The following NDRG3 variants were observed in gnomAD, a reference collection of about 807,000 sequenced individuals.
The protein encoded by NDRG3 is protein NDRG3.
In NDRG3, 23 loss-of-function variants were observed where a neutral mutation model predicts 57.2. The ratio of observed to expected loss-of-function variants is 0.40; its 90% CI spans 0.29 to 0.57. The LOEUF (loss-of-function observed/expected upper bound fraction) is 0.57. Ranked by LOEUF, NDRG3 falls within the 20% of genes least tolerant of loss-of-function variation. The pLI, the probability that NDRG3 is intolerant of heterozygous loss-of-function variation, is 0.42. For missense variants in NDRG3, 384 were observed against 457.3 expected (o/e 0.84, Z 1.46); for synonymous variants, 132 against 162.6 (o/e 0.81, Z 1.43).
chr20:36,699,630 A>G (rs544980758), intron 3 of NDRG3, among the ~76,000 whole-genome samples: 2 of 152,176 alleles, frequency 1.3e-5, no homozygotes, highest in East Asian at 3.9e-4. Flanking sequence ...GGCTCTACGC[A>G]TAGCAGGACC....
intron 1 of NDRG3, among the ~76,000 whole-genome samples, chr20:36,722,460 A>G (rs1984649534): frequency 6.6e-6 from 1 of 152,254 alleles, no homozygotes; most frequent in African/African-American, 2.4e-5. Context: ...CAACAGATTA[A>G]TACAATTAAT....
chr20:36,668,527 GTTTTAAAATTTAT>G (rs1979831905), intron 9 of NDRG3: 1 of 152,106 alleles, frequency 6.6e-6, no homozygotes, highest in East Asian at 1.9e-4. Context: ...TTGCTTACAT[GTTTTAAAATTTAT>G]TTTTAATTTT....
chr20:36,734,151 G>T (rs2148222378), intron 1 of NDRG3, among the ~76,000 whole-genome samples: 1 of 152,006 alleles, frequency 6.6e-6, no homozygotes. Flanking sequence ...CCTTTGCAGT[G>T]AGCTGAGATC....
chr20:36,696,828 A>G (rs1982836664), intron 3 of NDRG3, among the ~76,000 whole-genome samples: 2 of 152,168 alleles, frequency 1.3e-5, no homozygotes. Flanking sequence ...GGCATCTTCA[A>G]TGATGTAATC....
intron 1 of NDRG3, among the ~76,000 whole-genome samples, chr20:36,723,442 A>G (rs973165894): frequency 1.3e-5 from 2 of 152,150 alleles, no homozygotes; most frequent in Non-Finnish European, 2.9e-5. Flanking sequence ...TCAAGTCAGG[A>G]AAAATGTTAA....
chr20:36,703,249 A>T (rs1243023334), intron 3 of NDRG3, among the ~76,000 whole-genome samples: 3 of 152,108 alleles, frequency 2.0e-5, no homozygotes, highest in Non-Finnish European at 2.9e-5. Context: ...ATATATGTAT[A>T]TCATATACAT....
At position 36,653,639 on chromosome 20, in the gene NDRG3, C is replaced by T. The variant is rs199920093; in HGVS notation, c.1009G>A (p.Gly337Ser). The change falls in exon 16 of 16, where the codon GGC becomes AGC. Residue 337 changes from glycine (G) to serine (S), a missense_variant. Gly to Ser is a moderately conservative substitution (Grantham distance 56). Coordinates refer to ENST00000349004, the MANE Select transcript of NDRG3 (RefSeq NM_032013.4). This position sits in a 1 kb window ranked among gnomAD's most constrained non-coding sequence, Gnocchi z 4.2. The stretch of plus-strand genomic sequence containing the variant: ...CGGCTGAAGGGACTTTCTCCAGAGC[C>T]GAGGCTACTCGAGGTTGAGTGGGTT... ...SRTHSTSSSL[G>S]SGESPFSRSV... 64 of 1,613,932 alleles carry T rather than the reference C, an allele frequency of 4.0e-5. 1 individual carries two copies. In the South Asian group the frequency reaches 5.2e-4, roughly 13 times the overall value.
At chr20:36,732,502 C>A (rs1985344799) in intron 1 of NDRG3, among the ~76,000 whole-genome samples, 1 of 152,140 alleles carries the variant, frequency 6.6e-6, no homozygotes, top group African/African-American at 2.4e-5. Context: ...CTCAGTGGTG[C>A]TGAGCAAAGC....
chr20:36,718,427 A>G (rs1984399428), intron 2 of NDRG3, among the ~76,000 whole-genome samples: 2 of 152,224 alleles, frequency 1.3e-5, no homozygotes, highest in African/African-American at 4.8e-5. Context: ...AAAGAGGAGC[A>G]GATAGATGTT....
At chr20:36,664,698 CT>C (rs918460677) in intron 12 of NDRG3, among the ~76,000 whole-genome samples, 14 of 151,638 alleles carry the variant, frequency 9.2e-5, no homozygotes, top group African/African-American at 1.2e-4. Flanking sequence ...GTGTTACATA[CT>C]TTTTTTTTGA....
At chr20:36,665,648 G>A (rs1411932909) in intron 10 of NDRG3, among the ~76,000 whole-genome samples, 1 of 152,140 alleles carries the variant, frequency 6.6e-6, no homozygotes, top group Non-Finnish European at 1.5e-5. Flanking sequence ...ACCCAGGCTG[G>A]AGTGCAGTGG....
At chr20:36,688,418 T>C (rs992737432) in intron 4 of NDRG3, among the ~76,000 whole-genome samples, 34 of 151,174 alleles carry the variant, frequency 2.2e-4, no homozygotes, top group Non-Finnish European at 4.0e-4. Flanking sequence ...TGGATTTCAG[T>C]TCTACTTTCT....
chr20:36,721,136 G>A (rs1466899838), intron 2 of NDRG3, among the ~76,000 whole-genome samples: 1 of 151,734 alleles, frequency 6.6e-6, no homozygotes, highest in South Asian at 2.1e-4. Context: ...ATCTCTATCT[G>A]TAAAATACAA....
chr20:36,667,951 A>C (rs1361724487), intron 9 of NDRG3, among the ~76,000 whole-genome samples: 1 of 152,196 alleles, frequency 6.6e-6, no homozygotes, highest in Non-Finnish European at 1.5e-5. Flanking sequence ...GTGAATACCA[A>C]ATGACAGGCC....
chr20:36,687,634 T>C (rs565258538), intron 4 of NDRG3, 22 bp from the exon 5 acceptor site: 2 of 1,608,998 alleles, frequency 1.2e-6, no homozygotes, highest in Non-Finnish European at 1.7e-6. Flanking sequence ...AAAATACCCA[T>C]AAGTCACAGG....
chr20:36,666,213 G>T, intron 10 of NDRG3, 76 bp downstream of exon 10: 1 of 1,100,774 alleles, frequency 9.1e-7, no homozygotes, highest in Non-Finnish European at 1.4e-6. Context: ...ATTAGATACA[G>T]TCCTCTCTCC....
intron 1 of NDRG3, among the ~76,000 whole-genome samples, chr20:36,740,540 T>C (rs1302799014): frequency 6.6e-6 from 1 of 152,192 alleles, no homozygotes; most frequent in Admixed American, 6.5e-5. Flanking sequence ...AGAGACAGTT[T>C]GCCATGTTGG....
At chr20:36,686,541 TA>T (rs1981797718) in intron 5 of NDRG3, among the ~76,000 whole-genome samples, 1 of 152,174 alleles carries the variant, frequency 6.6e-6, no homozygotes, top group African/African-American at 2.4e-5. Flanking sequence ...AGTGAAAGGA[TA>T]GGGGAAGAAT....
At chr20:36,712,014 C>T (rs570805602) in intron 2 of NDRG3, among the ~76,000 whole-genome samples, 36 of 152,260 alleles carry the variant, frequency 2.4e-4, no homozygotes, top group Admixed American at 1.6e-3. Context: ...CTCCTGACCT[C>T]GTGATCTGCC....
Sources: gnomAD v4.1 joint callset for allele counts (sites outside exome capture counted in the v4.1 genomes callset) on GRCh38, gnomAD v4.1.1 for gene constraint, Gnocchi (gnomAD v3.1) non-coding constraint, MANE v1.5 for transcripts, NCBI Gene and HGNC (gene_info 2026-07-23, HGNC 2026-07-21) for gene names.